ANKRD30BL: variants seen among roughly 807,000 people sequenced by gnomAD.
ANKRD30BL encodes the protein ankyrin repeat domain 30B like, also known as putative ankyrin repeat domain-containing protein 30B-like.
In ANKRD30BL, 20 loss-of-function variants were observed where a neutral mutation model predicts 18.4. The ratio of observed to expected loss-of-function variants is 1.09; its 90% CI spans 0.77 to 1.58. The LOEUF (loss-of-function observed/expected upper bound fraction) is 1.58, where lower values mean the gene tolerates loss of function less well. Among genes scored for constraint, ANKRD30BL ranks in the 40% most tolerant of loss-of-function variants. The pLI, the probability that ANKRD30BL is intolerant of heterozygous loss-of-function variation, is 0.00. For synonymous variants in ANKRD30BL, 72 were observed against 100.9 expected (o/e 0.71, Z 1.72); for missense variants, 224 against 268.6 (o/e 0.83, Z 1.16).
At position 132,151,106 on chromosome 2, in the gene ANKRD30BL, T is replaced by C. The variant is rs1687743318; in HGVS notation, c.615-130A>G. The stretch of plus-strand genomic sequence containing the variant: ...TAACATCAGAACATTACTTTTTCCA[T>C]AGACTTTAAGTTTGTAAGCTCTATG... On this transcript the variant is annotated intron_variant, in intron 4 of 5. Transcript: ENST00000409867. 1.1e-5 allele frequency: 4 copies of C among 377,932 alleles called. No homozygotes were observed. The Admixed American group carries it at 1.5e-4, about 14-fold the overall frequency. 23.4% of individuals were successfully genotyped at this position (377,932 alleles called of 1,614,324 possible).
intron 1 of ANKRD30BL, among the ~76,000 whole-genome samples, chr2:132,200,954 T>C (rs1401289673): frequency 6.6e-6 from 1 of 151,928 alleles, no homozygotes; most frequent in African/African-American, 2.4e-5. Context: ...GAGATATAGA[T>C]CAATGGAACA....
chr2:132,234,597 T>A (rs1441123828), intron 1 of ANKRD30BL, among the ~76,000 whole-genome samples: 1 of 152,042 alleles, frequency 6.6e-6, no homozygotes, highest in Non-Finnish European at 1.5e-5. Context: ...AAGAAATGGA[T>A]AAATCCCTTG....
chr2:132,167,413 A>T (rs1251881051), intron 1 of ANKRD30BL, among the ~76,000 whole-genome samples: 1 of 151,764 alleles, frequency 6.6e-6, no homozygotes, highest in African/African-American at 2.4e-5. Flanking sequence ...CAACCTCCAC[A>T]TCTCAGGTTA....
chr2:132,154,543 G>A (rs1178154363), intron 4 of ANKRD30BL, 119 bp downstream of exon 4: 2 of 503,196 alleles, frequency 4.0e-6, no homozygotes, highest in Non-Finnish European at 7.2e-6. Flanking sequence ...ATTTGTGTTG[G>A]TATTTTTCTG....
intron 1 of ANKRD30BL, among the ~76,000 whole-genome samples, chr2:132,187,172 G>GTTTT (rs1407000925): frequency 4.2e-4 from 34 of 80,246 alleles, no homozygotes; most frequent in Non-Finnish European, 7.2e-4. Flanking sequence ...GAAGTTTTTT[G>GTTTT]TTTTTTTTTT....
chr2:132,208,706 G>C (rs905285449), intron 1 of ANKRD30BL, among the ~76,000 whole-genome samples: 1 of 151,436 alleles, frequency 6.6e-6, no homozygotes, highest in African/African-American at 2.4e-5. Flanking sequence ...AAAGCAAGGA[G>C]ACTACATCTG....
chr2:132,165,212 CA>C (rs1259813974), upstream of ANKRD30BL, among the ~76,000 whole-genome samples: 13 of 136,288 alleles, frequency 9.5e-5, no homozygotes, highest in African/African-American at 3.9e-4. Flanking sequence ...TTTGCCAAAT[CA>C]TTTATTTTTT....
chr2:132,240,889 C>G (rs1316746802), intron 1 of ANKRD30BL, among the ~76,000 whole-genome samples: 3 of 151,924 alleles, frequency 2.0e-5, no homozygotes, highest in Non-Finnish European at 4.4e-5. Flanking sequence ...TGTGTTTACT[C>G]AACTGTCAGA....
At chr2:132,183,277 A>C (rs1245283187) in intron 1 of ANKRD30BL, among the ~76,000 whole-genome samples, 1 of 151,884 alleles carries the variant, frequency 6.6e-6, no homozygotes, top group Non-Finnish European at 1.5e-5. Context: ...GATTACAGAC[A>C]TGTGCCATCA....
At chr2:132,211,535 C>T (rs968964039) in intron 1 of ANKRD30BL, among the ~76,000 whole-genome samples, 51 of 151,958 alleles carry the variant, frequency 3.4e-4, no homozygotes, top group African/African-American at 1.2e-3. Context: ...ATTTGGAGTG[C>T]TCTGAGGCCA....
At chr2:132,164,263 CTTTTTCTTTTTTTT>C (rs1323020168), upstream of ANKRD30BL, among the ~76,000 whole-genome samples, 4 of 99,694 alleles carry the variant, frequency 4.0e-5, no homozygotes, top group South Asian at 8.2e-4. Flanking sequence ...GTTTCTTTTT[CTTTTTCTTTTTTTT>C]TTTTTTTTTT....
At chr2:132,226,608 T>C (rs1319146388) in intron 1 of ANKRD30BL, among the ~76,000 whole-genome samples, 3 of 152,008 alleles carry the variant, frequency 2.0e-5, no homozygotes, top group Admixed American at 6.6e-5. Context: ...TTTCTTTTGA[T>C]TGAGCAGTTT....
intron 1 of ANKRD30BL, among the ~76,000 whole-genome samples, chr2:132,222,461 A>C (rs1285676696): frequency 6.6e-6 from 1 of 152,108 alleles, no homozygotes; most frequent in African/African-American, 2.4e-5. Flanking sequence ...AGAAGTAGAC[A>C]TGGGAGACTT....
intron 1 of ANKRD30BL, among the ~76,000 whole-genome samples, chr2:132,255,030 A>G (rs967143030): frequency 1.3e-5 from 2 of 152,138 alleles, no homozygotes; most frequent in Non-Finnish European, 2.9e-5. Context: ...CTTTGCAACC[A>G]TACTCCCCTC....
intron 1 of ANKRD30BL, among the ~76,000 whole-genome samples, chr2:132,230,442 G>A (rs555915657): frequency 1.5e-4 from 23 of 151,564 alleles, no homozygotes; most frequent in African/African-American, 3.4e-4. Flanking sequence ...CAAATGGAGC[G>A]CTTTGAGGGC....
chr2:132,207,925 C>T (rs1203924723), intron 1 of ANKRD30BL, among the ~76,000 whole-genome samples: 3 of 145,194 alleles, frequency 2.1e-5, no homozygotes, highest in Non-Finnish European at 3.1e-5. Flanking sequence ...ACGGGGTCAC[C>T]CTTATTCATG....
intron 1 of ANKRD30BL, among the ~76,000 whole-genome samples, chr2:132,216,967 T>G (rs79334151): frequency 1.1e-3 from 160 of 152,250 alleles, no homozygotes; most frequent in Middle Eastern, 3.4e-3. Flanking sequence ...TTCTTTGTGA[T>G]GTGTGAATTC....
At chr2:132,224,183 G>A (rs1573862393) in intron 1 of ANKRD30BL, among the ~76,000 whole-genome samples, 1 of 151,972 alleles carries the variant, frequency 6.6e-6, no homozygotes. Flanking sequence ...TTTGTGATGT[G>A]TGCATTCAAC....
intron 1 of ANKRD30BL, among the ~76,000 whole-genome samples, chr2:132,235,167 AG>A (rs1451535542): frequency 6.6e-6 from 1 of 152,188 alleles, no homozygotes; most frequent in Non-Finnish European, 1.5e-5. Context: ...TCAATAAATT[AG>A]GTATTGATGG....
Sources: allele counts gnomAD v4.1 joint callset (sites outside exome capture counted in the v4.1 genomes callset), GRCh38; gene constraint gnomAD v4.1.1; transcripts MANE v1.5; gene names NCBI Gene and HGNC (gene_info 2026-07-23, HGNC 2026-07-21).